ZFHX4: variants seen among roughly 807,000 people sequenced by gnomAD.
The protein encoded by ZFHX4 is zinc finger homeobox protein 4.
A neutral mutation model predicts 267.6 loss-of-function variants in ZFHX4; 56 were observed. The observed-to-expected ratio is 0.21, with a 90% CI of 0.17 to 0.26. The LOEUF is 0.26. Ranked by LOEUF, ZFHX4 falls within the 10% of genes least tolerant of loss-of-function variation. The pLI is 1.00. For missense variants in ZFHX4, 4,332 were observed against 4,420.0 expected, an observed-to-expected ratio of 0.98 and a Z score of 0.56; for synonymous variants, 1,778 against 1,665.6, an observed-to-expected ratio of 1.07 and a Z score of -1.64.
At chr8:76,806,880 C>A (rs569197001) in intron 4 of ZFHX4, among the ~76,000 whole-genome samples, 1 of 152,080 alleles carries the variant, frequency 6.6e-6, no homozygotes, top group South Asian at 2.1e-4. Context: ...TAAAGTGAAT[C>A]CCCTATTTGA....
chr8:76,808,522 A>G (rs1295303776), intron 4 of ZFHX4, among the ~76,000 whole-genome samples: 1 of 152,182 alleles, frequency 6.6e-6, no homozygotes, highest in South Asian at 2.1e-4. Context: ...AAATGACTGA[A>G]TCGATAGGAA....
intron 4 of ZFHX4, among the ~76,000 whole-genome samples, chr8:76,786,282 G>C (rs957221898): frequency 1.3e-5 from 2 of 151,468 alleles, no homozygotes; most frequent in Admixed American, 6.6e-5. Context: ...GACAAAAATT[G>C]CTCGTCATTT....
intron 4 of ZFHX4, among the ~76,000 whole-genome samples, chr8:76,832,379 G>A (rs1383327652): frequency 6.6e-6 from 1 of 152,022 alleles, no homozygotes; most frequent in African/African-American, 2.4e-5. Context: ...TGCATGAGGG[G>A]CTTGAGGTTT....
At chr8:76,840,660 C>A (rs528691676) in intron 5 of ZFHX4, among the ~76,000 whole-genome samples, 1 of 152,282 alleles carries the variant, frequency 6.6e-6, no homozygotes, top group South Asian at 2.1e-4. Flanking sequence ...CACTCAGTAG[C>A]ACTCTGACAC....
At position 76,747,414 on chromosome 8, in the gene ZFHX4, C is replaced by T. The variant is rs147780314; in HGVS notation, c.3094-30794C>T. On this transcript the variant is annotated intron_variant, in intron 3 of 10. Coordinates refer to ENST00000651372, the MANE Select transcript of ZFHX4 (RefSeq NM_024721.5). ...TAACCAATAAGTAGATTTCGATCCT[C>T]ACTCTTCTCCCACCCTCCACCCTCA... Among the ~76,000 whole-genome samples the T allele has an allele frequency of 4.6e-5, 7 of 152,258 alleles. No individual in the cohort carries two copies. In the East Asian group the frequency reaches 1.2e-3, roughly 25 times the overall value.
At chr8:76,843,561 T>C (rs1308186036) in intron 6 of ZFHX4, among the ~76,000 whole-genome samples, 1 of 152,196 alleles carries the variant, frequency 6.6e-6, no homozygotes, top group Admixed American at 6.5e-5. Context: ...GCTTTGTATG[T>C]ATGAGATGGA....
chr8:76,695,451 A>C (rs1054954568), intron 1 of ZFHX4, among the ~76,000 whole-genome samples: 1 of 152,252 alleles, frequency 6.6e-6, no homozygotes, highest in Non-Finnish European at 1.5e-5. Context: ...TACTTTTGAC[A>C]TTATGGTAGA....
At chr8:76,795,313 G>A (rs1810947980) in intron 4 of ZFHX4, among the ~76,000 whole-genome samples, 1 of 152,050 alleles carries the variant, frequency 6.6e-6, no homozygotes, top group Admixed American at 6.6e-5. Flanking sequence ...TCACTCTGTA[G>A]CCTAGGCTAG....
Position 76,855,244 on chromosome 8 carries a change from G to A in ZFHX4, c.8323G>A (p.Ala2775Thr). 2 of 1,612,062 alleles carry A rather than the reference G, an allele frequency of 1.2e-6. No homozygotes were observed. The highest frequency in any genetic ancestry group is 1.7e-6 in the Non-Finnish European group (2 of 1,179,264). ...KNLLSPSSFKAECSEDVENLN... is the reference protein window; with the variant it reads ...KNLLSPSSFKTECSEDVENLN... Reference sequence around the variant, plus strand: ...TCTTTTAAGCCCTTCTTCTTTTAAAGCAGAGTGTTCTGAGGATGTAGAGAA... The same window carrying A: ...TCTTTTAAGCCCTTCTTCTTTTAAAACAGAGTGTTCTGAGGATGTAGAGAA... Residue 2775 changes from alanine (A) to threonine (T), a missense_variant, in exon 10 of 11, where the codon GCA becomes ACA. Ala to Thr is a moderately conservative substitution (Grantham distance 58). Around this residue, in one of 7 missense-constraint regions of ZFHX4, gnomAD observed 1,648 missense variants for 1,625.0 expected, o/e 1.01. Coordinates refer to ENST00000651372, the MANE Select transcript of ZFHX4 (RefSeq NM_024721.5).
chr8:76,758,936 T>C (rs1563505327), intron 3 of ZFHX4, among the ~76,000 whole-genome samples: 1 of 152,190 alleles, frequency 6.6e-6, no homozygotes, highest in Non-Finnish European at 1.5e-5. Flanking sequence ...GTGAAATACA[T>C]CTGGGAATGT....
Position 76,704,790 on chromosome 8 carries a change from CAA to C in ZFHX4, c.703_704del (p.Lys235GlufsTer9), listed in dbSNP as rs1808203156. 6.2e-7 allele frequency: 1 copy of C among 1,613,866 alleles called. No individual in the cohort carries two copies. The highest frequency in any genetic ancestry group is 1.3e-5 in the African/African-American group (1 of 74,908). On this transcript the variant is annotated frameshift_variant, in exon 2 of 11. Coordinates refer to ENST00000651372, the MANE Select transcript of ZFHX4 (RefSeq NM_024721.5). LOFTEE classifies it high-confidence loss of function. Reference sequence around the variant, plus strand: ...GTTTCCGTGTCTATGATCTCCGACACAAGAGAGAGAAAGACTATCTAACCAGT... The same window carrying C: ...GTTTCCGTGTCTATGATCTCCGACACGAGAGAGAAAGACTATCTAACCAGT... Reference protein sequence around the residue: ...HSFRVYDLRHKREKDYLTSDG... With the variant: ...HSFRVYDLRHXREKDYLTSDG...
At chr8:76,686,573 C>T (rs1253445842) in intron 1 of ZFHX4, among the ~76,000 whole-genome samples, 1 of 152,162 alleles carries the variant, frequency 6.6e-6, no homozygotes, top group Non-Finnish European at 1.5e-5. Flanking sequence ...TTAATTGACT[C>T]TGCATATATT....
intron 10 of ZFHX4, 129 bp downstream of exon 10, chr8:76,856,429 A>ATAAT: frequency 9.2e-7 from 1 of 1,091,672 alleles, no homozygotes; most frequent in Non-Finnish European, 1.3e-6. Context: ...CATTATTTAA[A>ATAAT]GTATATATTA....
intron 6 of ZFHX4, among the ~76,000 whole-genome samples, chr8:76,845,148 G>T (rs1476466955): frequency 3.9e-5 from 6 of 152,106 alleles, no homozygotes; most frequent in Non-Finnish European, 2.9e-5. Flanking sequence ...GTTGTGCTAT[G>T]TTGCTGACAT....
intron 3 of ZFHX4, among the ~76,000 whole-genome samples, chr8:76,711,783 A>G (rs1400099032): frequency 6.6e-6 from 1 of 151,990 alleles, no homozygotes; most frequent in Non-Finnish European, 1.5e-5. Context: ...ACCACAGAGC[A>G]CTACACGTTC....
intron 4 of ZFHX4, among the ~76,000 whole-genome samples, chr8:76,827,840 C>G (rs1386386989): frequency 2.0e-5 from 3 of 152,142 alleles, no homozygotes; most frequent in Admixed American, 2.0e-4. Flanking sequence ...GGCAAAGGAG[C>G]TTTACTTTTC....
chr8:76,822,137 AC>A (rs904750667), intron 4 of ZFHX4, among the ~76,000 whole-genome samples: 9 of 152,034 alleles, frequency 5.9e-5, no homozygotes, highest in African/African-American at 2.2e-4. Flanking sequence ...CACTTGCTCC[AC>A]CTGCATTTTC....
At chr8:76,800,532 C>T (rs1331703780) in intron 4 of ZFHX4, among the ~76,000 whole-genome samples, 1 of 152,148 alleles carries the variant, frequency 6.6e-6, no homozygotes, top group Non-Finnish European at 1.5e-5. Flanking sequence ...GGTAGAAGGC[C>T]AGTGAGGTGA....
chr8:76,771,701 G>A (rs896565190), intron 3 of ZFHX4, among the ~76,000 whole-genome samples: 20 of 152,122 alleles, frequency 1.3e-4, no homozygotes, highest in Admixed American at 7.9e-4. Flanking sequence ...GGATTCAGGC[G>A]TGAGCCACTG....
Sources: gnomAD v4.1 joint callset for allele counts (sites outside exome capture counted in the v4.1 genomes callset) on GRCh38, gnomAD v4.1.1 for gene constraint, gnomAD v4.1.1 regional missense constraint, MANE v1.5 for transcripts, NCBI Gene and HGNC (gene_info 2026-07-23, HGNC 2026-07-21) for gene names.